The following TTYH3 variants were observed in gnomAD, a reference collection of about 807,000 sequenced individuals.
The protein encoded by TTYH3 is tweety family member 3.
A neutral mutation model predicts 68.2 loss-of-function variants in TTYH3; 23 were observed. The ratio of observed to expected loss-of-function variants is 0.34; its 90% CI spans 0.24 to 0.48. The LOEUF (loss-of-function observed/expected upper bound fraction) is 0.48, where lower values mean the gene tolerates loss of function less well. TTYH3 is among the 20% of genes least tolerant of loss of function. The probability of loss-of-function intolerance (pLI) is 0.99; values close to 1 mark genes in which losing one functional copy is unlikely to be tolerated. For missense variants in TTYH3, 768 were observed against 727.7 expected, an observed-to-expected ratio of 1.06 and a Z score of -0.64; for synonymous variants, 360 against 332.8, an observed-to-expected ratio of 1.08 and a Z score of -0.89.
At chr7:2,640,136 G>A (rs4721905) in intron 1 of TTYH3, among the ~76,000 whole-genome samples, 149,206 of 152,352 alleles carry the variant, frequency 0.98, 73,087 homozygotes, top group East Asian at 1. Context: ...GTGTCCAGCC[G>A]AGGAGCGAGC....
At chr7:2,650,933 G>A (rs1786157535) in intron 7 of TTYH3, among the ~76,000 whole-genome samples, 1 of 151,846 alleles carries the variant, frequency 6.6e-6, no homozygotes, top group Non-Finnish European at 1.5e-5. Flanking sequence ...TGTAGGGAGC[G>A]AGAGGGACGG....
rs1007739628 is a variant in TTYH3 at position 2,649,922 on chromosome 7, G to A, written c.805G>A (p.Asp269Asn). 7.4e-6 allele frequency: 12 copies of A among 1,613,796 alleles called. No individual in the cohort carries two copies. Among genetic ancestry groups the A allele is most frequent in the Non-Finnish European group, 1.0e-5 (12 of 1,179,934 alleles). ...LELAVSVGSS[D>N]FCVDPDAYVT... ...CCCACGCCCACCTCAGGGCTCCAGC[G>A]ACTTCTGTGTGGACCCTGACGCCTA... The change falls in exon 7 of 14, where the codon GAC becomes AAC. Residue 269 changes from aspartate (D) to asparagine (N), a missense_variant. Transcript: ENST00000258796.
At position 2,664,759 on chromosome 7, in the gene TTYH3, A is replaced by G. The variant is rs1178170012; in HGVS notation, c.*3020A>G. 1.3e-5 allele frequency: 2 copies of G among 151,966 alleles called. No individual in the cohort carries two copies. The highest frequency in any genetic ancestry group is 2.4e-5 in the African/African-American group (1 of 41,268). 9.4% of individuals were successfully genotyped at this position (151,966 alleles called of 1,614,324 possible). A position where few individuals can be genotyped will look rare whatever the true frequency, so the allele number is the denominator to read the frequency against. Reference sequence around the variant, plus strand: ...CGTCAATGTAATTTCTGTGGTTTCTATTCAGCTTGGGTTTCATGTTTTAAA... The same window carrying G: ...CGTCAATGTAATTTCTGTGGTTTCTGTTCAGCTTGGGTTTCATGTTTTAAA... On this transcript the variant is annotated 3_prime_UTR_variant, in exon 14 of 14. Coordinates refer to ENST00000258796, the MANE Select transcript of TTYH3 (RefSeq NM_025250.3).
chr7:2,644,966 C>T (rs1464073198), intron 1 of TTYH3, among the ~76,000 whole-genome samples: 2 of 152,232 alleles, frequency 1.3e-5, no homozygotes, highest in Non-Finnish European at 2.9e-5. Context: ...GGACCATCTG[C>T]CCCAGCAGCT....
intron 1 of TTYH3, among the ~76,000 whole-genome samples, chr7:2,642,537 C>CAAAAAAA (rs34165282): frequency 5.2e-5 from 3 of 57,520 alleles, no homozygotes; most frequent in South Asian, 7.5e-4. Flanking sequence ...GACTCTGTCT[C>CAAAAAAA]AAAAAAAAAA....
intron 6 of TTYH3, 33 bp from the exon 7 acceptor site, chr7:2,649,880 T>C (rs747650630): frequency 3.7e-6 from 6 of 1,611,700 alleles, no homozygotes; most frequent in Non-Finnish European, 5.1e-6. Context: ...CCCAGCTTGG[T>C]CAACCCCTCT....
chr7:2,648,315 C>T, intron 5 of TTYH3: 1 of 461,472 alleles, frequency 2.2e-6, no homozygotes, highest in Non-Finnish European at 3.8e-6. Context: ...ACTTGTAGCC[C>T]AGGACCTGAA....
intron 11 of TTYH3, among the ~76,000 whole-genome samples, chr7:2,657,416 GT>G (rs1786368339): frequency 6.8e-6 from 1 of 147,958 alleles, no homozygotes; most frequent in African/African-American, 2.6e-5. Context: ...GGTTGTGGTG[GT>G]GGTGATGGTG....
chr7:2,660,833 G>C (rs937624034), intron 13 of TTYH3, among the ~76,000 whole-genome samples: 1 of 152,158 alleles, frequency 6.6e-6, no homozygotes, highest in African/African-American at 2.4e-5. Context: ...CCCCTGACAC[G>C]TGCCAGGCCT....
chr7:2,639,042 G>A (rs983164060), intron 1 of TTYH3, among the ~76,000 whole-genome samples: 1 of 152,136 alleles, frequency 6.6e-6, no homozygotes, highest in Admixed American at 6.5e-5. Context: ...TTCTCACAGT[G>A]CTGGGGGCCA....
chr7:2,657,994 G>A (rs1786383947), intron 11 of TTYH3, among the ~76,000 whole-genome samples: 1 of 152,202 alleles, frequency 6.6e-6, no homozygotes, highest in Admixed American at 6.5e-5. Context: ...TCTCCCAGGA[G>A]GGGCCCTGCA....
intron 1 of TTYH3, among the ~76,000 whole-genome samples, chr7:2,642,068 C>T (rs977431103): frequency 2.0e-5 from 3 of 152,238 alleles, no homozygotes; most frequent in South Asian, 2.1e-4. Flanking sequence ...AGCGAGGCTC[C>T]GTTTGCAGCT....
chr7:2,661,925 G>T lies in TTYH3; in HGVS notation c.*186G>T. On this transcript the variant is annotated 3_prime_UTR_variant, in exon 14 of 14. Transcript: ENST00000258796. ...CACAGTGGAGACGCAGGGGCTCTGG[G>T]CCCGTACCGCCAACTCGGGTCACAC... The T allele has an allele frequency of 1.5e-6, 1 of 656,688 alleles. No individual in the cohort carries two copies. Among genetic ancestry groups the T allele is most frequent in the Non-Finnish European group, 2.6e-6 (1 of 378,972 alleles). The allele number at this position is 656,688 out of a possible 1,614,324, so 40.7% of individuals were successfully genotyped here. A position where few individuals can be genotyped will look rare whatever the true frequency, so the allele number is the denominator to read the frequency against.
At chr7:2,658,881 C>T in intron 12 of TTYH3, 59 bp from the exon 13 acceptor site, 1 of 1,558,644 alleles carries the variant, frequency 6.4e-7, no homozygotes, top group Non-Finnish European at 8.8e-7. Flanking sequence ...GCCCCCCGAC[C>T]TGCAGCTGGG....
At chr7:2,644,437 T>C (rs1407716188) in intron 1 of TTYH3, among the ~76,000 whole-genome samples, 1 of 152,186 alleles carries the variant, frequency 6.6e-6, no homozygotes, top group Non-Finnish European at 1.5e-5. Context: ...GTGACTGGAC[T>C]GTCTCCGCCT....
At chr7:2,638,258 G>C (rs1360214990) in intron 1 of TTYH3, among the ~76,000 whole-genome samples, 1 of 152,168 alleles carries the variant, frequency 6.6e-6, no homozygotes, top group African/African-American at 2.4e-5. Flanking sequence ...GGGAAGAGCA[G>C]GGGATTTTCC....
In TTYH3 at chr7:2,645,687, C is replaced by A; in HGVS notation, c.124-1166C>A. On this transcript the variant is annotated intron_variant, in intron 1 of 13. Coordinates refer to ENST00000258796, the MANE Select transcript of TTYH3 (RefSeq NM_025250.3). This position sits in a 1 kb window ranked among gnomAD's most constrained non-coding sequence, Gnocchi z 4.8. ...GCGTGGGGGCACGCCATGGACGGTG[C>A]CCACCCCTGAGTGCAGCTTCTCGGT... The A allele has an allele frequency of 2.3e-6, 1 of 426,702 alleles. No individual in the cohort carries two copies. The allele number at this position is 426,702 out of a possible 1,614,324, so 26.4% of individuals were successfully genotyped here.
At chr7:2,660,339 A>G (rs1786461192) in intron 13 of TTYH3, 12 of 985,214 alleles carry the variant, frequency 1.2e-5, no homozygotes, top group Non-Finnish European at 1.3e-5. Flanking sequence ...GTCACCTCCC[A>G]GTGAGGAATC....
At chr7:2,634,146 C>G (rs1347913530) in intron 1 of TTYH3, among the ~76,000 whole-genome samples, 1 of 152,206 alleles carries the variant, frequency 6.6e-6, no homozygotes, top group African/African-American at 2.4e-5. Context: ...GGAAACCGGC[C>G]TGCCTCCATC....
Sources: allele counts gnomAD v4.1 joint callset (sites outside exome capture counted in the v4.1 genomes callset), GRCh38; gene constraint gnomAD v4.1.1; non-coding constraint Gnocchi (gnomAD v3.1); transcripts MANE v1.5; gene names NCBI Gene and HGNC (gene_info 2026-07-23, HGNC 2026-07-21).